Variants in EXOC4 observed in about 807,000 individuals in gnomAD.
The protein encoded by EXOC4 is exocyst complex component 4.
In EXOC4, 71 loss-of-function variants were observed where a neutral mutation model predicts 107.2. The observed-to-expected ratio is 0.66, with a 90% confidence interval of 0.55 to 0.81. EXOC4 has a LOEUF of 0.81. Among genes scored for constraint, EXOC4 ranks in the 30% least tolerant of loss-of-function variants. The probability of loss-of-function intolerance (pLI) is 0.00; values close to 1 mark genes in which losing one functional copy is unlikely to be tolerated. For synonymous variants in EXOC4, 456 were observed against 441.2 expected (o/e 1.03, Z -0.42); for missense variants, 1,108 against 1,189.6 (o/e 0.93, Z 1.01).
At chr7:133,518,070 A>G (rs889029863) in intron 9 of EXOC4, among the ~76,000 whole-genome samples, 2 of 151,810 alleles carry the variant, frequency 1.3e-5, no homozygotes, top group Admixed American at 1.3e-4. Context: ...ATTGGTTTTC[A>G]TCCTTGAAGA....
intron 13 of EXOC4, among the ~76,000 whole-genome samples, chr7:133,936,241 C>T (rs974921868): frequency 6.6e-6 from 1 of 152,114 alleles, no homozygotes; most frequent in South Asian, 2.1e-4. Context: ...TGTGACGTTT[C>T]CTTTAAAAAA....
intron 10 of EXOC4, among the ~76,000 whole-genome samples, chr7:133,762,831 C>G (rs754751488): frequency 1.9e-4 from 29 of 152,008 alleles, no homozygotes; most frequent in Non-Finnish European, 3.5e-4. Flanking sequence ...AAGCTGTAAA[C>G]ATAGAAAAGA....
chr7:133,550,602 TA>T (rs1469935023), intron 9 of EXOC4, among the ~76,000 whole-genome samples: 1 of 152,222 alleles, frequency 6.6e-6, no homozygotes, highest in Non-Finnish European at 1.5e-5. Context: ...TAAGGCTTTT[TA>T]TACTTTCCTT....
chr7:134,036,990 T>C (rs184256681), intron 17 of EXOC4, among the ~76,000 whole-genome samples: 4 of 152,354 alleles, frequency 2.6e-5, no homozygotes, highest in Admixed American at 2.6e-4. Context: ...TTAGTGATTA[T>C]TTATTCATTC....
At chr7:133,914,998 G>A (rs1207438964) in intron 12 of EXOC4, among the ~76,000 whole-genome samples, 2 of 152,306 alleles carry the variant, frequency 1.3e-5, no homozygotes, top group East Asian at 1.9e-4. Flanking sequence ...GGACAGTTTG[G>A]AAGGGAAAAG....
rs144837581 is a variant in EXOC4, at chr7:133,849,090, T to C, written c.1734+31546T>C. Reference sequence around the variant, plus strand: ...AGAAATGTACAGTAGCACACCATTATACAGAATTTTCATCATACGGATATA... The same window carrying C: ...AGAAATGTACAGTAGCACACCATTACACAGAATTTTCATCATACGGATATA... On this transcript the variant is annotated intron_variant, in intron 11 of 17. Coordinates refer to ENST00000253861, the MANE Select transcript of EXOC4 (RefSeq NM_021807.4). 5.7e-3 allele frequency among the ~76,000 whole-genome samples: 862 copies of C among 152,242 alleles called. 9 individuals carry two copies. Among genetic ancestry groups the C allele is most frequent in the Non-Finnish European group, 6.6e-3 (446 of 68,014 alleles).
intron 14 of EXOC4, among the ~76,000 whole-genome samples, chr7:133,964,256 A>G (rs1801011645): frequency 6.6e-6 from 1 of 152,174 alleles, no homozygotes; most frequent in Non-Finnish European, 1.5e-5. Flanking sequence ...TGTCAGAGTC[A>G]CAATTTTTTA....
rs114942445 is a variant in EXOC4, at chr7:133,736,287, T to A, written c.1515-81038T>A. Among the ~76,000 whole-genome samples the A allele has an allele frequency of 2.4e-3, 359 of 152,286 alleles. 5 individuals are homozygous for A. The highest frequency in any genetic ancestry group is 8.1e-3 in the African/African-American group (336 of 41,560). On this transcript the variant is annotated intron_variant, in intron 10 of 17. Transcript: ENST00000253861. ...TTAACCACCCACTGACTCTACTCTT[T>A]CTCTTTTGAATATTTTTTGCCTCAT...
rs1797399898 is a variant in EXOC4, at chr7:133,817,493, G to C, written c.1683G>C (p.Leu561=). ...AAACATCTGACCCTTTGAAGATTCT[G>C]GCCAACGCAGACACCATGAAGGTGC... ...VTKTSDPLKI[L]ANADTMKVLG... is the part of the protein sequence containing the mutation. The change falls in exon 11 of 18, where the codon CTG becomes CTC. Residue 561 remains leucine (L), a synonymous_variant. Transcript: ENST00000253861. The C allele has an allele frequency of 6.2e-7, 1 of 1,614,012 alleles. No individual in the cohort carries two copies. The highest frequency in any genetic ancestry group is 1.7e-5 in the Admixed American group (1 of 60,004).
At position 133,374,853 on chromosome 7, in the gene EXOC4, C is replaced by T. The variant is rs563306574; in HGVS notation, c.1033C>T (p.Leu345=). 9.0e-5 allele frequency: 146 copies of T among 1,613,658 alleles called. 1 individual carries two copies. In the South Asian group the frequency reaches 1.5e-3, roughly 17 times the overall value. ...GTTGCTTCTAGAACTGCTGGAGTTA[C>T]TGTTTGACAAGTTTAATGCTGTAGC... ...PRLLLELLEL[L]FDKFNAVAAA... The change falls in exon 7 of 18, where the codon CTG becomes TTG. Residue 345 remains leucine, a synonymous_variant. Coordinates refer to ENST00000253861, the MANE Select transcript of EXOC4 (RefSeq NM_021807.4).
chr7:133,659,239 T>G (rs1342943269), intron 10 of EXOC4, among the ~76,000 whole-genome samples: 2 of 152,036 alleles, frequency 1.3e-5, no homozygotes, highest in East Asian at 3.9e-4. Context: ...ATCTTTCTAA[T>G]GTGGATAGTA....
Position 133,338,259 on chromosome 7 carries a change from T to C in EXOC4, c.764-18071T>C, listed in dbSNP as rs895088651. On this transcript the variant is annotated intron_variant, in intron 5 of 17. Coordinates refer to ENST00000253861, the MANE Select transcript of EXOC4 (RefSeq NM_021807.4). ...ATCACTGCTTTGAATATACCTCATA[T>C]ACACTAATATGTAGTTTTCATTATC... 2.6e-5 allele frequency among the ~76,000 whole-genome samples: 4 copies of C among 152,142 alleles called. No individual in the cohort carries two copies. In the East Asian group the frequency reaches 5.8e-4, roughly 22 times the overall value.
intron 11 of EXOC4, among the ~76,000 whole-genome samples, chr7:133,864,953 G>T (rs1409123881): frequency 6.6e-6 from 1 of 152,112 alleles, no homozygotes; most frequent in Non-Finnish European, 1.5e-5. Flanking sequence ...CAGATTTAAG[G>T]TGGTTTCTAA....
At chr7:133,764,161 A>G (rs1004564378) in intron 10 of EXOC4, among the ~76,000 whole-genome samples, 16 of 151,792 alleles carry the variant, frequency 1.1e-4, no homozygotes, top group African/African-American at 3.4e-4. Flanking sequence ...AATTCATTTT[A>G]TTTTTCCTCC....
chr7:133,849,303 T>G (rs1798195449), intron 11 of EXOC4, among the ~76,000 whole-genome samples: 1 of 152,180 alleles, frequency 6.6e-6, no homozygotes, highest in Admixed American at 6.5e-5. Flanking sequence ...GCCTATAGTC[T>G]GAGCTACTTG....
intron 9 of EXOC4, among the ~76,000 whole-genome samples, chr7:133,593,430 T>C (rs1242149316): frequency 6.6e-6 from 1 of 152,212 alleles, no homozygotes. Context: ...CTAGAAATCT[T>C]TAAGCCACAG....
chr7:133,696,597 C>G (rs1386076943), intron 10 of EXOC4, among the ~76,000 whole-genome samples: 2 of 152,152 alleles, frequency 1.3e-5, no homozygotes, highest in African/African-American at 4.8e-5. Context: ...AAATGCAAAA[C>G]AAACGTATGT....
At chr7:133,605,959 G>A (rs1801935472) in intron 9 of EXOC4, among the ~76,000 whole-genome samples, 2 of 152,242 alleles carry the variant, frequency 1.3e-5, no homozygotes, top group South Asian at 4.2e-4. Flanking sequence ...GGAGAATCAA[G>A]ACAGTATAAG....
chr7:133,705,735 G>A (rs1166756163), intron 10 of EXOC4, among the ~76,000 whole-genome samples: 1 of 152,160 alleles, frequency 6.6e-6, no homozygotes, highest in African/African-American at 2.4e-5. Flanking sequence ...AGTGACTAAT[G>A]GACAGGTAGC....
Sources: gnomAD v4.1 joint callset for allele counts (sites outside exome capture counted in the v4.1 genomes callset) on GRCh38, gnomAD v4.1.1 for gene constraint, MANE v1.5 for transcripts, NCBI Gene and HGNC (gene_info 2026-07-23, HGNC 2026-07-21) for gene names.